The following ARIH2 variants were observed in gnomAD, a reference collection of about 807,000 sequenced individuals.
ARIH2 encodes the protein E3 ubiquitin-protein ligase ARIH2.
ARIH2 carries 12 observed loss-of-function variants against 79.8 expected under a neutral mutation model. The observed-to-expected ratio is 0.15, with a 90% CI of 0.10 to 0.24. ARIH2 has a LOEUF of 0.24. ARIH2 is among the 10% of genes least tolerant of loss of function. ARIH2 has a pLI of 1.00. For synonymous variants in ARIH2, 224 were observed against 213.9 expected (o/e 1.05, Z -0.41); for missense variants, 301 against 618.3 (o/e 0.49, Z 5.44).
At position 48,981,659 on chromosome 3, in the gene ARIH2, G is replaced by A; in HGVS notation, c.1258-1G>A. ...GTTCCTTCTCTTCTCTCCTGTTGCA[G>A]TGTCGATACACCCTGCAATACACCT... On this transcript the variant is annotated splice_acceptor_variant, in intron 13 of 15. Transcript: ENST00000356401. LOFTEE classifies it high-confidence loss of function. 1 of 1,612,930 alleles carries A rather than the reference G, an allele frequency of 6.2e-7. No individual in the cohort carries two copies. Among genetic ancestry groups the A allele is most frequent in the Non-Finnish European group, 8.5e-7 (1 of 1,179,338 alleles).
intron 8 of ARIH2, among the ~76,000 whole-genome samples, chr3:48,971,247 T>C (rs187723516): frequency 2.4e-4 from 37 of 152,300 alleles, no homozygotes; most frequent in Middle Eastern, 3.4e-3. Context: ...ATTCTCTCTT[T>C]TTTTGTTGTT....
At chr3:48,957,598 C>T (rs1459003940) in intron 3 of ARIH2, among the ~76,000 whole-genome samples, 1 of 152,106 alleles carries the variant, frequency 6.6e-6, no homozygotes, top group Non-Finnish European at 1.5e-5. Flanking sequence ...ATGTAGAAGT[C>T]AGAACAGAAA....
chr3:48,951,886 G>T (rs2090003595), intron 3 of ARIH2, among the ~76,000 whole-genome samples: 1 of 151,888 alleles, frequency 6.6e-6, no homozygotes, highest in Non-Finnish European at 1.5e-5. Flanking sequence ...AATTTTTGCT[G>T]TTACTTGGAT....
chr3:48,936,943 G>A (rs1319309109), intron 3 of ARIH2, among the ~76,000 whole-genome samples: 1 of 151,624 alleles, frequency 6.6e-6, no homozygotes, highest in East Asian at 1.9e-4. Flanking sequence ...CAGGAGAATG[G>A]CGTGAACCCG....
chr3:48,981,111 CTTGAGCCCAGGAGT>C (rs1315425131), intron 13 of ARIH2, among the ~76,000 whole-genome samples: 5 of 149,748 alleles, frequency 3.3e-5, no homozygotes, highest in Non-Finnish European at 7.4e-5. Context: ...AGGTGCATTG[CTTGAGCCCAGGAGT>C]TTGAGACCAG....
chr3:48,955,362 T>G (rs1225211000), intron 3 of ARIH2, among the ~76,000 whole-genome samples: 5 of 152,126 alleles, frequency 3.3e-5, no homozygotes, highest in Non-Finnish European at 5.9e-5. Context: ...CATTGGTTGT[T>G]TACTACCCTG....
intron 14 of ARIH2, among the ~76,000 whole-genome samples, chr3:48,982,463 A>T (rs184601634): frequency 6.6e-6 from 1 of 152,296 alleles, no homozygotes; most frequent in Non-Finnish European, 1.5e-5. Context: ...ATAAAGCTGT[A>T]TATCTTCTTA....
At chr3:48,942,637 C>G (rs558189492) in intron 3 of ARIH2, among the ~76,000 whole-genome samples, 1 of 149,570 alleles carries the variant, frequency 6.7e-6, no homozygotes, top group Non-Finnish European at 1.5e-5. Flanking sequence ...TGCCACCATG[C>G]CCGGCTAATT....
chr3:48,975,019 T>C (rs1159769078), intron 11 of ARIH2, 40 bp downstream of exon 11: 2 of 1,614,198 alleles, frequency 1.2e-6, no homozygotes, highest in Admixed American at 3.3e-5. Flanking sequence ...AGTGGCACTT[T>C]CTTGTGGTTG....
Position 48,948,623 on chromosome 3 carries a change from G to A in ARIH2, c.256-12989G>A, listed in dbSNP as rs182462519. Among the ~76,000 whole-genome samples the A allele has an allele frequency of 1.4e-4, 21 of 152,232 alleles. No individual in the cohort carries two copies. The East Asian group carries it at 3.1e-3, about 22-fold the overall frequency. On this transcript the variant is annotated intron_variant, in intron 3 of 15. Transcript: ENST00000356401. ...CATTTTAAAGTGTACCATTATTTGA[G>A]TTTTATTAAATGTATACAACTATGT...
chr3:48,923,381 CAG>C (rs1167742207), intron 2 of ARIH2, among the ~76,000 whole-genome samples: 1 of 147,836 alleles, frequency 6.8e-6, no homozygotes, highest in African/African-American at 2.5e-5. Context: ...GCCAGGGTGA[CAG>C]AGTGAGACTC....
intron 3 of ARIH2, among the ~76,000 whole-genome samples, chr3:48,950,557 T>C (rs1420158051): frequency 6.6e-6 from 1 of 152,212 alleles, no homozygotes; most frequent in Non-Finnish European, 1.5e-5. Flanking sequence ...CTATTAATTT[T>C]ATTAAAAAGC....
intron 2 of ARIH2, chr3:48,926,825 C>G (rs1431143076): frequency 6.6e-6 from 1 of 152,440 alleles, no homozygotes; most frequent in Non-Finnish European, 1.5e-5. Flanking sequence ...GCTGGGATTA[C>G]AGGCATGAGT....
At chr3:48,975,379 C>G (rs1223894811) in intron 11 of ARIH2, among the ~76,000 whole-genome samples, 3 of 152,182 alleles carry the variant, frequency 2.0e-5, no homozygotes, top group Non-Finnish European at 4.4e-5. Flanking sequence ...TACAAAGTTT[C>G]TAGTGGGGGT....
At chr3:48,957,451 C>T (rs1208990913) in intron 3 of ARIH2, among the ~76,000 whole-genome samples, 1 of 152,154 alleles carries the variant, frequency 6.6e-6, no homozygotes, top group Non-Finnish European at 1.5e-5. Context: ...GTGAGTCAAC[C>T]CTGACCCCTG....
intron 8 of ARIH2, among the ~76,000 whole-genome samples, chr3:48,973,390 A>G (rs1015271785): frequency 2.0e-5 from 3 of 152,138 alleles, no homozygotes; most frequent in Non-Finnish European, 2.9e-5. Flanking sequence ...ATCCTGGCTA[A>G]CACGGTGAAA....
At chr3:48,970,773 G>A in intron 8 of ARIH2, 69 bp downstream of exon 8, 1 of 1,260,892 alleles carries the variant, frequency 7.9e-7, no homozygotes, top group Non-Finnish European at 1.2e-6. Flanking sequence ...CACTGCTGTT[G>A]CTCCATGTGA....
intron 3 of ARIH2, among the ~76,000 whole-genome samples, chr3:48,945,453 T>C (rs1200193136): frequency 1.3e-5 from 2 of 152,236 alleles, no homozygotes; most frequent in Non-Finnish European, 2.9e-5. Flanking sequence ...GTAATAAACA[T>C]GTACTATCCA....
At chr3:48,975,497 G>A (rs2092447469) in intron 11 of ARIH2, among the ~76,000 whole-genome samples, 1 of 152,074 alleles carries the variant, frequency 6.6e-6, no homozygotes, top group Non-Finnish European at 1.5e-5. Context: ...ATCCCTTCAA[G>A]TAGAAAATAT....
Sources: gnomAD v4.1 joint callset for allele counts (sites outside exome capture counted in the v4.1 genomes callset) on GRCh38, gnomAD v4.1.1 for gene constraint, MANE v1.5 for transcripts, NCBI Gene and HGNC (gene_info 2026-07-23, HGNC 2026-07-21) for gene names.